DIDO1: variants seen among roughly 807,000 people sequenced by gnomAD.
The protein encoded by DIDO1 is death-inducer obliterator 1.
In DIDO1, 16 loss-of-function variants were observed where a neutral mutation model predicts 99.4. The observed-to-expected ratio is 0.16, with a 90% CI of 0.11 to 0.24. The LOEUF (loss-of-function observed/expected upper bound fraction) is 0.24. Ranked by LOEUF, DIDO1 falls within the 10% of genes least tolerant of loss-of-function variation. The pLI, the probability that DIDO1 is intolerant of heterozygous loss-of-function variation, is 1.00. For synonymous variants in DIDO1, 1,366 were observed against 1,239.1 expected (o/e 1.10, Z -2.15); for missense variants, 2,996 against 3,014.0 (o/e 0.99, Z 0.14).
chr20:62,889,341 A>G (rs762316230), intron 15 of DIDO1: 4 of 982,102 alleles, frequency 4.1e-6, no homozygotes, highest in Non-Finnish European at 4.8e-6. Context: ...GGTGCCCGGC[A>G]TGCGCCGGGG....
intron 15 of DIDO1, chr20:62,890,302 T>C (rs1397219901): frequency 1.0e-6 from 1 of 986,066 alleles, no homozygotes; most frequent in East Asian, 1.1e-4. Flanking sequence ...TAAGGGGCTA[T>C]GAAAGAGCTG....
upstream of DIDO1, among the ~76,000 whole-genome samples, chr20:62,928,248 G>A (rs995007124): frequency 2.0e-5 from 3 of 152,182 alleles, no homozygotes; most frequent in Non-Finnish European, 4.4e-5. Context: ...GGAATAGAAA[G>A]AGTGGACAAG....
chr20:62,896,222 CA>C lies in DIDO1; in HGVS notation c.2214+10del. ...CAGGAATACTCCAATGCACCGACAC[CA>C]GGCACACACCTGATTTTTAGGGTCC... is the stretch of plus-strand genomic sequence containing the variant. On this transcript the variant is annotated intron_variant, in intron 8 of 15. Transcript: ENST00000395343. This position sits in a 1 kb window ranked among gnomAD's most constrained non-coding sequence, Gnocchi z 4.4. 2 of 1,611,214 alleles carry C rather than the reference CA, an allele frequency of 1.2e-6. No homozygotes were observed. Among genetic ancestry groups the C allele is most frequent in the Non-Finnish European group, 1.7e-6 (2 of 1,178,932 alleles).
At chr20:62,899,463 CCA>C (rs1406991239) in intron 6 of DIDO1, among the ~76,000 whole-genome samples, 4 of 152,180 alleles carry the variant, frequency 2.6e-5, no homozygotes, top group Non-Finnish European at 4.4e-5. Flanking sequence ...GCGTCCATGG[CCA>C]CACTCAGATT....
intron 1 of DIDO1, among the ~76,000 whole-genome samples, chr20:62,922,923 T>C (rs2065183454): frequency 2.0e-5 from 3 of 152,130 alleles, no homozygotes; most frequent in Admixed American, 1.3e-4. Flanking sequence ...GTGTTTTTTT[T>C]CTCACAAAGG....
At chr20:62,922,179 T>C (rs1424069089) in intron 1 of DIDO1, among the ~76,000 whole-genome samples, 1 of 149,244 alleles carries the variant, frequency 6.7e-6, no homozygotes. Context: ...CTCTTTTATA[T>C]GTATGTGTGT....
At chr20:62,889,969 G>A (rs897859045) in intron 15 of DIDO1, 3 of 985,348 alleles carry the variant, frequency 3.0e-6, no homozygotes, top group Admixed American at 6.1e-5. Context: ...GGCTGTGCCT[G>A]GGGCGACAGA....
At chr20:62,895,252 G>A (rs956491758) in intron 8 of DIDO1, 87 bp from the exon 9 acceptor site, 16 of 1,262,320 alleles carry the variant, frequency 1.3e-5, no homozygotes, top group Non-Finnish European at 1.6e-5. Flanking sequence ...CTGCCCAGAA[G>A]TTTAGCGGGC....
intron 15 of DIDO1, chr20:62,888,582 C>G: frequency 1.0e-6 from 1 of 985,570 alleles, no homozygotes. Context: ...CTGTGCTGTC[C>G]AAGGGCTTCT....
chr20:62,922,109 T>TATACACACACACAC (rs375077898), intron 1 of DIDO1, among the ~76,000 whole-genome samples: 32 of 110,640 alleles, frequency 2.9e-4, no homozygotes, highest in South Asian at 1.5e-3. Flanking sequence ...ACTATATATA[T>TATACACACACACAC]ACACACACAC....
Position 62,882,266 on chromosome 20 carries a change from T to C in DIDO1, c.3690A>G (p.Lys1230=), listed in dbSNP as rs1568827437. The change falls in exon 16 of 16, where the codon AAA becomes AAG. Residue 1230 remains lysine, a synonymous_variant. Coordinates refer to ENST00000395343, the MANE Select transcript of DIDO1 (RefSeq NM_001193369.2). ...PEEADVPAYP[K]VATVPQSEKK... Reference sequence around the variant, plus strand: ...TTTCCGACTGCGGGACTGTGGCTACTTTTGGATAGGCCGGAACGTCCGCTT... The same window carrying C: ...TTTCCGACTGCGGGACTGTGGCTACCTTTGGATAGGCCGGAACGTCCGCTT... 1.2e-6 allele frequency: 2 copies of C among 1,614,024 alleles called. No individual in the cohort carries two copies. Among genetic ancestry groups the C allele is most frequent in the Non-Finnish European group, 1.7e-6 (2 of 1,180,030 alleles).
intron 8 of DIDO1, among the ~76,000 whole-genome samples, chr20:62,895,688 T>C (rs888863926): frequency 1.3e-5 from 2 of 152,340 alleles, no homozygotes; most frequent in South Asian, 2.1e-4. Flanking sequence ...CCCGGCGGCC[T>C]ATCCCTCCCA....
intron 6 of DIDO1, among the ~76,000 whole-genome samples, chr20:62,900,007 A>G (rs975072333): frequency 3.9e-5 from 6 of 152,244 alleles, no homozygotes; most frequent in African/African-American, 1.2e-4. Context: ...TACGTTGTGT[A>G]TAACTTCAGA....
intron 1 of DIDO1, chr20:62,937,704 TCCCC>T (rs2065407419): frequency 5.3e-6 from 2 of 379,108 alleles, no homozygotes; most frequent in African/African-American, 2.3e-5. Context: ...GGGGACTCCC[TCCCC>T]GTCTGAGGGG....
chr20:62,914,833 G>T (rs968442994), intron 1 of DIDO1, among the ~76,000 whole-genome samples: 1 of 152,184 alleles, frequency 6.6e-6, no homozygotes, highest in African/African-American at 2.4e-5. Context: ...AATTATATAA[G>T]AATGTAATAA....
intron 4 of DIDO1, among the ~76,000 whole-genome samples, chr20:62,908,266 C>T (rs990906072): frequency 1.3e-5 from 2 of 152,202 alleles, no homozygotes; most frequent in African/African-American, 4.8e-5. Flanking sequence ...CAGGTGTGAG[C>T]CACAGCACCC....
rs114455831 is a variant in DIDO1, at chr20:62,920,310, G to A, written c.-199-5904C>T. On this transcript the variant is annotated intron_variant, in intron 1 of 15. Transcript: ENST00000395343. ...ATCACTGTTCCTTTATGTTCTCCTC[G>A]GTCCACACCCTTAGAGACCTGCATA... Among the ~76,000 whole-genome samples, 1,349 of 152,148 alleles carry A rather than the reference G, an allele frequency of 8.9e-3. 16 individuals are homozygous for A. Among genetic ancestry groups the A allele is most frequent in the African/African-American group, 0.03 (1,234 of 41,480 alleles).
chr20:62,930,117 G>A (rs964710593), upstream of DIDO1, among the ~76,000 whole-genome samples: 2 of 151,840 alleles, frequency 1.3e-5, no homozygotes, highest in African/African-American at 4.8e-5. Flanking sequence ...GCAGGCGCCT[G>A]TAATCCCAGC....
chr20:62,888,371 C>G (rs1001418871), intron 15 of DIDO1: 8 of 985,430 alleles, frequency 8.1e-6, no homozygotes, highest in Non-Finnish European at 9.6e-6. Context: ...CTGATGCAGA[C>G]GGGCAGCTCA....
Sources: gnomAD v4.1 joint callset for allele counts (sites outside exome capture counted in the v4.1 genomes callset) on GRCh38, gnomAD v4.1.1 for gene constraint, Gnocchi (gnomAD v3.1) non-coding constraint, MANE v1.5 for transcripts, NCBI Gene and HGNC (gene_info 2026-07-23, HGNC 2026-07-21) for gene names.